Variants in AFG2A observed in about 807,000 individuals in gnomAD.
AFG2A encodes AAA ATPase AFG2A.
the AFG2A span, among the ~76,000 whole-genome samples, chr4:123,073,622 C>T: frequency 3.3e-5 from 5 of 152,218 alleles, no homozygotes; most frequent in Admixed American, 1.3e-4. Flanking sequence ...TGGTTGTACT[C>T]ATTACTACTT....
the AFG2A span, among the ~76,000 whole-genome samples, chr4:123,095,053 A>ATATATATG: frequency 1.7e-4 from 9 of 52,444 alleles, no homozygotes; most frequent in African/African-American, 4.1e-4. Context: ...ATATATATAT[A>ATATATATG]TATATATATA....
chr4:123,183,933 TATTCATTCATTCATTCATTC>T, the AFG2A span, among the ~76,000 whole-genome samples: 1 of 137,312 alleles, frequency 7.3e-6, no homozygotes, highest in Admixed American at 7.0e-5. Flanking sequence ...CTTGCTTATT[TATTCATTCATTCATTCATTC>T]ATTCATTCAT....
chr4:123,121,125 A>G, the AFG2A span, among the ~76,000 whole-genome samples: 5 of 152,018 alleles, frequency 3.3e-5, no homozygotes, highest in African/African-American at 1.2e-4. Flanking sequence ...TAAAAAGTAA[A>G]ATAATAAATA....
the AFG2A span, among the ~76,000 whole-genome samples, chr4:123,161,087 T>C: frequency 1.3e-5 from 2 of 152,192 alleles, no homozygotes; most frequent in Non-Finnish European, 2.9e-5. Flanking sequence ...TGCATTGTAT[T>C]GTACACTCCT....
the AFG2A span, among the ~76,000 whole-genome samples, chr4:123,194,826 G>A: frequency 6.6e-6 from 1 of 152,174 alleles, no homozygotes; most frequent in Admixed American, 6.5e-5. Flanking sequence ...CATACTAGCA[G>A]GTGTAGAAGT....
At chr4:123,137,596 T>G in the AFG2A span, among the ~76,000 whole-genome samples, 1 of 152,202 alleles carries the variant, frequency 6.6e-6, no homozygotes, top group African/African-American at 2.4e-5. Context: ...TTATTACAGT[T>G]GACTTTCATA....
chr4:123,115,504 C>T, the AFG2A span, among the ~76,000 whole-genome samples: 1 of 152,148 alleles, frequency 6.6e-6, no homozygotes, highest in East Asian at 1.9e-4. Context: ...TCAGGCCCAC[C>T]TCCCTTCACT....
the AFG2A span, among the ~76,000 whole-genome samples, chr4:123,074,517 CTCTGT>C: frequency 6.8e-6 from 1 of 148,058 alleles, no homozygotes; most frequent in Non-Finnish European, 1.5e-5. Context: ...TTTAAGAATC[CTCTGT>C]TCTGTTTTCA....
the AFG2A span, among the ~76,000 whole-genome samples, chr4:123,236,094 G>T: frequency 2.0e-5 from 3 of 152,068 alleles, no homozygotes; most frequent in Non-Finnish European, 4.4e-5. Flanking sequence ...TTTGGGTAAT[G>T]TATTTTTGGG....
the AFG2A span, among the ~76,000 whole-genome samples, chr4:123,264,995 C>T: frequency 0.014 from 2,131 of 152,132 alleles, 57 homozygotes; most frequent in African/African-American, 0.048. Flanking sequence ...TAGTCAATGC[C>T]TCTAAATATT....
At chr4:123,126,359 C>G in the AFG2A span, among the ~76,000 whole-genome samples, 1 of 152,050 alleles carries the variant, frequency 6.6e-6, no homozygotes, top group Non-Finnish European at 1.5e-5. Flanking sequence ...AATCTTTTTT[C>G]TCTAGCTTAC....
chr4:123,164,424 C>T, the AFG2A span, among the ~76,000 whole-genome samples: 1 of 152,096 alleles, frequency 6.6e-6, no homozygotes, highest in Non-Finnish European at 1.5e-5. Flanking sequence ...AGTGCAGTGA[C>T]ACGATCTCGG....
At chr4:123,003,271 T>G in the AFG2A span, among the ~76,000 whole-genome samples, 2 of 152,124 alleles carry the variant, frequency 1.3e-5, no homozygotes, top group African/African-American at 4.8e-5. Flanking sequence ...TAGCTCGGAG[T>G]AGTTTGATCA....
At chr4:123,281,322 C>T in the AFG2A span, among the ~76,000 whole-genome samples, 9 of 151,968 alleles carry the variant, frequency 5.9e-5, no homozygotes, top group Admixed American at 1.3e-4. Flanking sequence ...GCAAATGGCT[C>T]GCAAAAATTC....
chr4:123,104,001 A>G, the AFG2A span, among the ~76,000 whole-genome samples: 1 of 152,142 alleles, frequency 6.6e-6, no homozygotes, highest in Non-Finnish European at 1.5e-5. Flanking sequence ...ACTTTTTGGA[A>G]TGATGTAGAT....
At chr4:123,140,510 T>TAA in the AFG2A span, among the ~76,000 whole-genome samples, 10 of 150,542 alleles carry the variant, frequency 6.6e-5, no homozygotes, top group Non-Finnish European at 1.0e-4. Context: ...TTTTTTTTTT[T>TAA]AAAAAAGCGA....
the AFG2A span, among the ~76,000 whole-genome samples, chr4:123,253,327 A>G: frequency 0.011 from 1,707 of 152,286 alleles, 24 homozygotes; most frequent in Non-Finnish European, 0.02. Context: ...TACTAAAAAT[A>G]CAAAAAATTA....
chr4:123,215,883 C>A, the AFG2A span, among the ~76,000 whole-genome samples: 1 of 152,064 alleles, frequency 6.6e-6, no homozygotes, highest in Admixed American at 6.6e-5. Flanking sequence ...ATGAATCTGC[C>A]CTAGTTACAG....
chr4:123,236,899 AC>A, the AFG2A span, among the ~76,000 whole-genome samples: 1 of 152,208 alleles, frequency 6.6e-6, no homozygotes, highest in Non-Finnish European at 1.5e-5. Flanking sequence ...GGTTTGAGAA[AC>A]CCTGAAAATT....
Sources: allele counts gnomAD v4.1 joint callset (sites outside exome capture counted in the v4.1 genomes callset), GRCh38; gene constraint gnomAD v4.1.1; transcripts MANE v1.5; gene names NCBI Gene and HGNC (gene_info 2026-07-23, HGNC 2026-07-21).